The following SMARCB1 variants were observed in gnomAD, a reference collection of about 807,000 sequenced individuals.
SMARCB1 encodes SWI/SNF-related matrix-associated actin-dependent regulator of chromatin subfamily B member 1.
SMARCB1 carries 5 observed loss-of-function variants against 49.0 expected under a neutral mutation model. That is an observed-to-expected ratio of 0.10 (90% confidence interval 0.05 to 0.21). The LOEUF (loss-of-function observed/expected upper bound fraction) is 0.21. Among genes scored for constraint, SMARCB1 ranks in the 10% least tolerant of loss-of-function variants. The pLI, the probability that SMARCB1 is intolerant of heterozygous loss-of-function variation, is 1.00. For missense variants in SMARCB1, 226 were observed against 509.2 expected, an observed-to-expected ratio of 0.44 and a Z score of 5.35; for synonymous variants, 201 against 200.1, an observed-to-expected ratio of 1.00 and a Z score of -0.04.
At chr22:23,796,522 TGTG>T (rs1928758064) in intron 3 of SMARCB1, among the ~76,000 whole-genome samples, 1 of 152,192 alleles carries the variant, frequency 6.6e-6, no homozygotes, top group African/African-American at 2.4e-5. Context: ...TTCAGAGTGA[TGTG>T]GTTATGGAAA....
At chr22:23,803,824 T>TC (rs1199033002) in intron 5 of SMARCB1, 1 of 333,054 alleles carries the variant, frequency 3.0e-6, no homozygotes, top group East Asian at 7.4e-5. Flanking sequence ...TCTCTCCTCC[T>TC]CTAACTGGTC....
chr22:23,833,437 A>G, intron 7 of SMARCB1, 135 bp from the exon 8 acceptor site: 1 of 1,244,476 alleles, frequency 8.0e-7, no homozygotes, highest in Non-Finnish European at 1.2e-6. Flanking sequence ...CTTGAGGTTC[A>G]GGTGACTGGA....
intron 7 of SMARCB1, among the ~76,000 whole-genome samples, chr22:23,827,973 A>G (rs2030470399): frequency 6.6e-6 from 1 of 152,240 alleles, no homozygotes; most frequent in Non-Finnish European, 1.5e-5. Context: ...TCCAGGGGCC[A>G]GTCAGCCCAC....
At chr22:23,821,666 A>G (rs1342550115) in intron 6 of SMARCB1, among the ~76,000 whole-genome samples, 1 of 152,042 alleles carries the variant, frequency 6.6e-6, no homozygotes, top group Non-Finnish European at 1.5e-5. Flanking sequence ...CCTGGGCAAC[A>G]TGGTGAAACC....
At chr22:23,801,790 G>T in intron 4 of SMARCB1, 1 of 205,404 alleles carries the variant, frequency 4.9e-6, no homozygotes, top group Non-Finnish European at 1.0e-5. Context: ...TCCTTTTTTG[G>T]CCATATGAGC....
intron 7 of SMARCB1, among the ~76,000 whole-genome samples, chr22:23,826,425 CAAAAA>C (rs5844570): frequency 9.0e-6 from 1 of 110,634 alleles, no homozygotes; most frequent in Non-Finnish European, 2.0e-5. Flanking sequence ...ACCCTGTCTC[CAAAAA>C]AAAAAAAAAA....
At chr22:23,796,107 T>C (rs1173003464) in intron 3 of SMARCB1, among the ~76,000 whole-genome samples, 1 of 152,164 alleles carries the variant, frequency 6.6e-6, no homozygotes, top group Non-Finnish European at 1.5e-5. Flanking sequence ...GTGCCCTTTC[T>C]GTAAAGCATC....
intron 7 of SMARCB1, among the ~76,000 whole-genome samples, chr22:23,832,570 T>C (rs1324693572): frequency 6.6e-6 from 1 of 151,766 alleles, no homozygotes; most frequent in Non-Finnish European, 1.5e-5. Flanking sequence ...GGGAGAGTCA[T>C]GGTTAGGACC....
intron 6 of SMARCB1, among the ~76,000 whole-genome samples, chr22:23,821,192 A>G (rs914155455): frequency 1.3e-5 from 2 of 152,208 alleles, no homozygotes; most frequent in Admixed American, 6.5e-5. Context: ...GACTGTCCCC[A>G]GCCAGGTGTC....
intron 7 of SMARCB1, chr22:23,825,666 C>G (rs1331029463): frequency 1.8e-6 from 1 of 547,692 alleles, no homozygotes; most frequent in African/African-American, 1.9e-5. Flanking sequence ...GGGTGAACCT[C>G]AAGTCCTTGC....
At position 23,837,604 on chromosome 22, in the gene SMARCB1, G is replaced by T; in HGVS notation, c.*3424G>T. The T allele has an allele frequency of 6.4e-7, 1 of 1,558,420 alleles. No individual in the cohort carries two copies. Among genetic ancestry groups the T allele is most frequent in the Non-Finnish European group, 8.7e-7 (1 of 1,144,012 alleles). Reference sequence around the variant, plus strand: ...AGAGGGGCCCCAGGGCATAAGCAGCGTGTCCTGAGGGGAGTGGCCAGCCTG... The same window carrying T: ...AGAGGGGCCCCAGGGCATAAGCAGCTTGTCCTGAGGGGAGTGGCCAGCCTG... On this transcript the variant is annotated 3_prime_UTR_variant, in exon 9 of 9. Transcript: ENST00000644036.
intron 3 of SMARCB1, among the ~76,000 whole-genome samples, chr22:23,797,907 C>T (rs1414163001): frequency 1.3e-5 from 2 of 152,106 alleles, no homozygotes; most frequent in Non-Finnish European, 2.9e-5. Flanking sequence ...GTGTGAACCA[C>T]CACACCTGGC....
At chr22:23,833,032 G>A (rs182356913) in intron 7 of SMARCB1, among the ~76,000 whole-genome samples, 6 of 152,266 alleles carry the variant, frequency 3.9e-5, no homozygotes, top group Admixed American at 2.0e-4. Context: ...GCCAGGAGGT[G>A]GGCTGAGGGG....
intron 6 of SMARCB1, chr22:23,823,732 A>G (rs1029355929): frequency 6.6e-6 from 1 of 152,304 alleles, no homozygotes. Flanking sequence ...AGCCTGGGCC[A>G]ACACAGAGAG....
intron 6 of SMARCB1, chr22:23,817,295 G>C: frequency 2.7e-6 from 1 of 376,140 alleles, no homozygotes; most frequent in Non-Finnish European, 5.0e-6. Flanking sequence ...CCATATTACA[G>C]GTGAAGAGGT....
intron 3 of SMARCB1, among the ~76,000 whole-genome samples, chr22:23,798,089 C>T (rs1051705348): frequency 1.5e-4 from 22 of 150,110 alleles, no homozygotes; most frequent in Admixed American, 1.5e-3. Flanking sequence ...GGGGCTCAGC[C>T]CAGGCTCTAA....
chr22:23,820,710 G>A (rs1436346316), intron 6 of SMARCB1, among the ~76,000 whole-genome samples: 1 of 129,544 alleles, frequency 7.7e-6, no homozygotes, highest in Non-Finnish European at 1.7e-5. Flanking sequence ...ATTTGTTTCA[G>A]TTTCACATTA....
At chr22:23,833,908 G>T (rs946931985) in intron 8 of SMARCB1, among the ~76,000 whole-genome samples, 7 of 152,226 alleles carry the variant, frequency 4.6e-5, no homozygotes, top group African/African-American at 1.7e-4. Context: ...TAATTCCTCA[G>T]GCTGAGGGTC....
intron 5 of SMARCB1, among the ~76,000 whole-genome samples, chr22:23,811,129 G>T (rs575981491): frequency 6.6e-6 from 1 of 151,550 alleles, no homozygotes; most frequent in South Asian, 2.1e-4. Flanking sequence ...AGACTTCAAA[G>T]AAAATGACCA....
Sources: allele counts gnomAD v4.1 joint callset (sites outside exome capture counted in the v4.1 genomes callset), GRCh38; gene constraint gnomAD v4.1.1; transcripts MANE v1.5; gene names NCBI Gene and HGNC (gene_info 2026-07-23, HGNC 2026-07-21).